Variants in ZNF609 observed in about 807,000 individuals in gnomAD.
The protein encoded by ZNF609 is zinc finger protein 609.
A neutral mutation model predicts 109.5 loss-of-function variants in ZNF609; 11 were observed. The observed-to-expected ratio is 0.10, with a 90% CI of 0.06 to 0.17. The LOEUF is 0.17. Among genes scored for constraint, ZNF609 ranks in the 10% least tolerant of loss-of-function variants. The pLI, the probability that ZNF609 is intolerant of heterozygous loss-of-function variation, is 1.00. For synonymous variants in ZNF609, 646 were observed against 662.0 expected (o/e 0.98, Z 0.37); for missense variants, 1,559 against 1,772.4 (o/e 0.88, Z 2.16).
chr15:64,573,354 T>TTTC (rs1894893814), intron 2 of ZNF609, among the ~76,000 whole-genome samples: 1 of 106,048 alleles, frequency 9.4e-6, no homozygotes, highest in African/African-American at 3.3e-5. Context: ...TTCTTTTTTT[T>TTTC]TTTTTTTTTT....
intron 3 of ZNF609, among the ~76,000 whole-genome samples, chr15:64,656,489 C>G (rs960672618): frequency 1.3e-5 from 2 of 152,144 alleles, no homozygotes; most frequent in African/African-American, 4.8e-5. Flanking sequence ...TGACACATGC[C>G]TCAGTTCTTC....
chr15:64,526,243 TG>T (rs1422051202), intron 2 of ZNF609, among the ~76,000 whole-genome samples: 8 of 152,150 alleles, frequency 5.3e-5, no homozygotes, highest in African/African-American at 1.9e-4. Context: ...ATTTCATATT[TG>T]GATTATTCAT....
Position 64,674,979 on chromosome 15 carries a change from A to G in ZNF609, c.2125A>G (p.Thr709Ala). The G allele has an allele frequency of 5.6e-6, 9 of 1,614,100 alleles. No individual in the cohort carries two copies. The highest frequency in any genetic ancestry group is 7.6e-6 in the Non-Finnish European group (9 of 1,180,022). The change falls in exon 5 of 10, where the codon ACT (threonine) becomes GCT (alanine). Residue 709 changes from threonine to alanine, a missense_variant. Thr to Ala is a moderately conservative substitution (Grantham distance 58). Transcript: ENST00000326648. ...PQLKPIQPKP[T>A]VMGEPFTVNP... Reference sequence around the variant, plus strand: ...ACTCAAGCCCATTCAGCCCAAGCCCACTGTTATGGGAGAACCTTTCACAGT... The same window carrying G: ...ACTCAAGCCCATTCAGCCCAAGCCCGCTGTTATGGGAGAACCTTTCACAGT...
intron 3 of ZNF609, among the ~76,000 whole-genome samples, chr15:64,640,397 CTT>C (rs113778164): frequency 1.4e-5 from 2 of 144,102 alleles, no homozygotes; most frequent in African/African-American, 2.5e-5. Context: ...CTTGTGCTTT[CTT>C]TTTTTTTTTT....
chr15:64,477,798 G>A (rs1011565720), intron 1 of ZNF609, among the ~76,000 whole-genome samples: 1 of 151,836 alleles, frequency 6.6e-6, no homozygotes, highest in African/African-American at 2.4e-5. Flanking sequence ...CCAGCTAATT[G>A]TTATGGTTTT....
At chr15:64,495,034 G>T (rs1442016135) in intron 1 of ZNF609, among the ~76,000 whole-genome samples, 1 of 151,706 alleles carries the variant, frequency 6.6e-6, no homozygotes, top group Non-Finnish European at 1.5e-5. Flanking sequence ...TGTTTTTTTC[G>T]CCTCCAGCTA....
At chr15:64,614,728 A>G (rs1175287721) in intron 2 of ZNF609, among the ~76,000 whole-genome samples, 2 of 149,554 alleles carry the variant, frequency 1.3e-5, no homozygotes, top group African/African-American at 2.5e-5. Flanking sequence ...CTGTATACCT[A>G]TATTACTATT....
At chr15:64,481,135 A>G (rs1359302935) in intron 1 of ZNF609, among the ~76,000 whole-genome samples, 1 of 152,246 alleles carries the variant, frequency 6.6e-6, no homozygotes, top group East Asian at 1.9e-4. Context: ...GATCATGTAT[A>G]TATTAGGGTG....
At chr15:64,647,600 AC>A (rs1896354501) in intron 3 of ZNF609, among the ~76,000 whole-genome samples, 2 of 152,150 alleles carry the variant, frequency 1.3e-5, no homozygotes, top group Admixed American at 1.3e-4. Flanking sequence ...TATTCCTGTA[AC>A]ATATTTCCAT....
chr15:64,518,029 G>A (rs1167663743), intron 2 of ZNF609, among the ~76,000 whole-genome samples: 1 of 152,096 alleles, frequency 6.6e-6, no homozygotes, highest in African/African-American at 2.4e-5. Context: ...TGATCCACCC[G>A]CCATGGCCTC....
chr15:64,528,833 A>G (rs1894010911), intron 2 of ZNF609: 1 of 847,408 alleles, frequency 1.2e-6, no homozygotes, highest in Non-Finnish European at 2.0e-6. Flanking sequence ...GAAGGAGACC[A>G]TCTGGTGCTC....
rs201745672 is a variant in ZNF609 at position 64,488,693 on chromosome 15, T to G, written c.-127-10600T>G. Among the ~76,000 whole-genome samples the G allele has an allele frequency of 2.3e-4, 35 of 152,302 alleles. No homozygotes were observed. The East Asian group carries it at 4.6e-3, about 20-fold the overall frequency. On this transcript the variant is annotated intron_variant, in intron 1 of 9. Transcript: ENST00000326648. ...TAGAATAGATCTGGGAAGGGAGAGA[T>G]AAGGTCTAGAATATAAAAAATGAAG...
At chr15:64,482,130 G>T (rs951832398) in intron 1 of ZNF609, among the ~76,000 whole-genome samples, 1 of 152,164 alleles carries the variant, frequency 6.6e-6, no homozygotes, top group Non-Finnish European at 1.5e-5. Context: ...GTCAGCTAGA[G>T]AATTGGTAAG....
chr15:64,471,520 A>T (rs1404408854), intron 1 of ZNF609, among the ~76,000 whole-genome samples: 1 of 152,202 alleles, frequency 6.6e-6, no homozygotes, highest in Non-Finnish European at 1.5e-5. Flanking sequence ...TATTTGGGGA[A>T]GTGTTCCACT....
In ZNF609 at chr15:64,678,288, A is replaced by G; in HGVS notation, c.3575A>G (p.Lys1192Arg). 1 of 1,614,182 alleles carries G rather than the reference A, an allele frequency of 6.2e-7. No homozygotes were observed. Among genetic ancestry groups the G allele is most frequent in the Non-Finnish European group, 8.5e-7 (1 of 1,180,024 alleles). Reference sequence around the variant, plus strand: ...AAGGAAAGCACAAGTAGTGACTGCAAGCTGCCCACGTCAGAGGAGTCTCGC... The same window carrying G: ...AAGGAAAGCACAAGTAGTGACTGCAGGCTGCCCACGTCAGAGGAGTCTCGC... ...DGKESTSSDC[K>R]LPTSEESRLG... The change falls in exon 6 of 10, where the codon AAG becomes AGG. Residue 1192 changes from lysine (K) to arginine (R), a missense_variant. Transcript: ENST00000326648.
intron 2 of ZNF609, among the ~76,000 whole-genome samples, chr15:64,596,495 C>T (rs372504816): frequency 3.9e-5 from 6 of 152,126 alleles, no homozygotes; most frequent in African/African-American, 1.4e-4. Context: ...ATGCTGTTCC[C>T]TCTGCCTATA....
Position 64,683,055 on chromosome 15 carries a change from C to G in ZNF609, c.*1369C>G, listed in dbSNP as rs2083219962. 1 of 152,738 alleles carries G rather than the reference C, an allele frequency of 6.5e-6. No individual in the cohort carries two copies. Among genetic ancestry groups the G allele is most frequent in the Admixed American group, 6.5e-5 (1 of 15,292 alleles). 9.5% of individuals were successfully genotyped at this position (152,738 alleles called of 1,614,324 possible). A position where few individuals can be genotyped will look rare whatever the true frequency, so the allele number is the denominator to read the frequency against. Reference sequence around the variant, plus strand: ...TAGAAATGCAGTCTCCCAATGGAAGCTTTATACTCTTTGTACTGGGAAAGT... The same window carrying G: ...TAGAAATGCAGTCTCCCAATGGAAGGTTTATACTCTTTGTACTGGGAAAGT... On this transcript the variant is annotated 3_prime_UTR_variant, in exon 10 of 10. Coordinates refer to ENST00000326648, the MANE Select transcript of ZNF609 (RefSeq NM_015042.2).
chr15:64,496,394 G>T (rs908889751), intron 1 of ZNF609, among the ~76,000 whole-genome samples: 1 of 152,184 alleles, frequency 6.6e-6, no homozygotes, highest in Admixed American at 6.5e-5. Context: ...ACATACTGAG[G>T]ATAGTGAGTA....
intron 6 of ZNF609, 122 bp from the exon 7 acceptor site, chr15:64,680,063 C>T (rs1595762665): frequency 9.5e-7 from 1 of 1,052,122 alleles, no homozygotes; most frequent in East Asian, 2.4e-5. Flanking sequence ...GCCAAAGACA[C>T]TATGTTAGAA....
Sources: allele counts gnomAD v4.1 joint callset (sites outside exome capture counted in the v4.1 genomes callset), GRCh38; gene constraint gnomAD v4.1.1; transcripts MANE v1.5; gene names NCBI Gene and HGNC (gene_info 2026-07-23, HGNC 2026-07-21).